LY75: variants seen among roughly 807,000 people sequenced by gnomAD.
The protein encoded by LY75 is lymphocyte antigen 75.
In LY75, 185 loss-of-function variants were observed where a neutral mutation model predicts 231.7. The ratio of observed to expected loss-of-function variants is 0.80; its 90% CI spans 0.71 to 0.90. The LOEUF is 0.90. Among genes scored for constraint, LY75 ranks in the 40% least tolerant of loss-of-function variants. The pLI, the probability that LY75 is intolerant of heterozygous loss-of-function variation, is 0.00. For missense variants in LY75, 1,947 were observed against 2,050.2 expected (o/e 0.95, Z 0.97); for synonymous variants, 668 against 689.0 (o/e 0.97, Z 0.48).
intron 28 of LY75, among the ~76,000 whole-genome samples, chr2:159,828,289 A>T (rs1683540620): frequency 6.6e-6 from 1 of 151,116 alleles, no homozygotes; most frequent in Admixed American, 6.6e-5. Flanking sequence ...TCCAGAATAT[A>T]TAAAGAATTC....
intron 34 of LY75, among the ~76,000 whole-genome samples, chr2:159,805,879 C>T (rs1682778740): frequency 6.6e-6 from 1 of 152,136 alleles, no homozygotes; most frequent in South Asian, 2.1e-4. Context: ...TTCCATTCCA[C>T]TCAGAATAAA....
At chr2:159,849,726 C>A (rs1684323773) in intron 23 of LY75, among the ~76,000 whole-genome samples, 1 of 152,122 alleles carries the variant, frequency 6.6e-6, no homozygotes, top group Admixed American at 6.5e-5. Context: ...AGTTACACAA[C>A]CATCACCCCA....
intron 21 of LY75, 128 bp downstream of exon 21, chr2:159,852,073 G>C: frequency 7.4e-7 from 1 of 1,346,124 alleles, no homozygotes; most frequent in South Asian, 1.7e-5. Flanking sequence ...CAGAGGGCCA[G>C]GTGGGATCCT....
chr2:159,811,214 T>C (rs2125828197), intron 31 of LY75, among the ~76,000 whole-genome samples: 1 of 152,258 alleles, frequency 6.6e-6, no homozygotes, highest in African/African-American at 2.4e-5. Flanking sequence ...TAAATAAATC[T>C]AGTTTTACTT....
chr2:159,811,150 C>T (rs139476822), intron 31 of LY75, among the ~76,000 whole-genome samples: 3,311 of 151,890 alleles, frequency 0.022, 151 homozygotes, highest in African/African-American at 0.076. Context: ...GCTGGGATTA[C>T]AGGCGTGACC....
rs905424988 is a variant in LY75, at chr2:159,815,270, G to C, written c.4549+135C>G. 3 of 1,128,408 alleles carry C rather than the reference G, an allele frequency of 2.7e-6. No homozygotes were observed. In the African/African-American group the frequency reaches 4.8e-5, roughly 18 times the overall value. 69.9% of individuals were successfully genotyped at this position (1,128,408 alleles called of 1,614,324 possible). A position where few individuals can be genotyped will look rare whatever the true frequency, so the allele number is the denominator to read the frequency against. On this transcript the variant is annotated intron_variant, in intron 31 of 34. Coordinates refer to ENST00000263636, the MANE Select transcript of LY75 (RefSeq NM_002349.4). ...CACGCCTCGGCCTCCCAAAGTGCTG[G>C]GATTACAGGCGCGAGCCACTGCGCC...
At chr2:159,876,439 T>C (rs1354305946) in intron 11 of LY75, among the ~76,000 whole-genome samples, 2 of 152,186 alleles carry the variant, frequency 1.3e-5, no homozygotes, top group Non-Finnish European at 2.9e-5. Context: ...TAGTCTCATA[T>C]ACACAAACAG....
Position 159,852,317 on chromosome 2 carries a change from T to C in LY75, c.2767A>G (p.Ser923Gly). ...TCACAGATGAAGGGCAACTTGGTAC[T>C]ACAGTCTGTTGGTTTACCTAAGTCT... ...LIDLGKPTDC[S>G]TKLPFICEKY... The change falls in exon 21 of 35, where the codon AGT becomes GGT. Residue 923 changes from serine to glycine, a missense_variant. By Grantham distance (56) the Ser-to-Gly change is moderately conservative. Transcript: ENST00000263636. The C allele has an allele frequency of 6.2e-7, 1 of 1,614,016 alleles. No homozygotes were observed. The highest frequency in any genetic ancestry group is 8.5e-7 in the Non-Finnish European group (1 of 1,179,926).
At chr2:159,817,121 T>A in intron 29 of LY75, 89 bp from the exon 30 acceptor site, 1 of 1,336,890 alleles carries the variant, frequency 7.5e-7, no homozygotes, top group Non-Finnish European at 9.9e-7. Context: ...TTTCAAAAGT[T>A]AAATAAAACT....
intron 25 of LY75, among the ~76,000 whole-genome samples, chr2:159,838,563 T>C (rs565841461): frequency 1.2e-4 from 19 of 152,304 alleles, no homozygotes; most frequent in Non-Finnish European, 2.4e-4. Context: ...TACTGACAAA[T>C]TTTCTACATT....
chr2:159,810,690 G>A lies in LY75; in HGVS notation c.4550-15C>T, dbSNP rs924147033. The stretch of plus-strand genomic sequence containing the variant: ...CAGCTTTTTAGCTATAAAAATGTTA[G>A]ACACAGTTGTAACAATGCATGGAAA... On this transcript the variant is annotated splice_polypyrimidine_tract_variant and intron_variant, in intron 31 of 34. Coordinates refer to ENST00000263636, the MANE Select transcript of LY75 (RefSeq NM_002349.4). The A allele has an allele frequency of 1.2e-6, 2 of 1,606,232 alleles. No individual in the cohort carries two copies. Among genetic ancestry groups the A allele is most frequent in the South Asian group, 1.1e-5 (1 of 89,106 alleles).
chr2:159,834,549 A>C (rs1319338066), intron 26 of LY75, among the ~76,000 whole-genome samples: 1 of 152,244 alleles, frequency 6.6e-6, no homozygotes, highest in Non-Finnish European at 1.5e-5. Flanking sequence ...TTCATTATTA[A>C]AAGTCACCTA....
chr2:159,811,776 T>C (rs1200256831), intron 31 of LY75, among the ~76,000 whole-genome samples: 4 of 152,174 alleles, frequency 2.6e-5, no homozygotes, highest in Non-Finnish European at 5.9e-5. Flanking sequence ...TGAACTTCGG[T>C]TATTTGATTG....
chr2:159,887,146 G>T lies in LY75; in HGVS notation c.803-616C>A, dbSNP rs1015527097. On this transcript the variant is annotated intron_variant, in intron 4 of 34. Coordinates refer to ENST00000263636, the MANE Select transcript of LY75 (RefSeq NM_002349.4). ...TATATATAATATAACATATATATAT[G>T]TGGCTTATGGCTCTAGGGCCCAAAG... Among the ~76,000 whole-genome samples the T allele has an allele frequency of 2.7e-5, 4 of 147,448 alleles. No individual in the cohort carries two copies. The South Asian group carries it at 8.6e-4, about 32-fold the overall frequency.
chr2:159,866,617 G>T (rs544075697), intron 13 of LY75, among the ~76,000 whole-genome samples: 4 of 152,178 alleles, frequency 2.6e-5, no homozygotes, highest in African/African-American at 9.6e-5. Context: ...CATACTGCCC[G>T]AGTGCTGGAT....
intron 28 of LY75, among the ~76,000 whole-genome samples, chr2:159,828,754 C>T (rs1375880653): frequency 6.6e-6 from 1 of 152,120 alleles, no homozygotes; most frequent in Non-Finnish European, 1.5e-5. Flanking sequence ...AAATGTCCAT[C>T]AAGTGATACA....
chr2:159,903,411 A>G (rs1249076878), intron 1 of LY75: 1 of 152,228 alleles, frequency 6.6e-6, no homozygotes, highest in Admixed American at 6.5e-5. Context: ...TATCAAGGCA[A>G]TAAAGGATCT....
intron 12 of LY75, among the ~76,000 whole-genome samples, chr2:159,874,852 T>C (rs10204573): frequency 1.5e-5 from 2 of 130,422 alleles, no homozygotes; most frequent in Non-Finnish European, 1.6e-5. Context: ...TATGTAAATA[T>C]ATATATATTT....
chr2:159,818,683 A>T (rs1278482987), intron 29 of LY75, among the ~76,000 whole-genome samples: 6 of 152,222 alleles, frequency 3.9e-5, no homozygotes, highest in African/African-American at 1.4e-4. Context: ...ACCATACTAA[A>T]GTAATATGCC....
Sources: gnomAD v4.1 joint callset for allele counts (sites outside exome capture counted in the v4.1 genomes callset) on GRCh38, gnomAD v4.1.1 for gene constraint, MANE v1.5 for transcripts, NCBI Gene and HGNC (gene_info 2026-07-23, HGNC 2026-07-21) for gene names.